Variants in EEA1 observed in about 807,000 individuals in gnomAD.
EEA1 encodes the protein early endosome antigen 1, 162kD.
A neutral mutation model predicts 209.2 loss-of-function variants in EEA1; 111 were observed. The ratio of observed to expected loss-of-function variants is 0.53; its 90% CI spans 0.45 to 0.62. The LOEUF is 0.62. Ranked by LOEUF, EEA1 falls within the 20% of genes least tolerant of loss-of-function variation. The pLI is 0.00. For synonymous variants in EEA1, 536 were observed against 540.6 expected, an observed-to-expected ratio of 0.99 and a Z score of 0.12; for missense variants, 1,343 against 1,530.8, an observed-to-expected ratio of 0.88 and a Z score of 2.05.
chr12:92,892,782 T>C (rs755474368), intron 1 of EEA1, among the ~76,000 whole-genome samples: 2 of 152,160 alleles, frequency 1.3e-5, no homozygotes, highest in African/African-American at 2.4e-5. Flanking sequence ...CATGCCACCA[T>C]GTGCAGCTAA....
chr12:92,921,949 T>A (rs2136788724), intron 1 of EEA1, among the ~76,000 whole-genome samples: 1 of 152,042 alleles, frequency 6.6e-6, no homozygotes, highest in African/African-American at 2.4e-5. Context: ...TTAATGCATT[T>A]AATATTTCAA....
intron 1 of EEA1, among the ~76,000 whole-genome samples, chr12:92,902,278 CAT>C (rs1034657988): frequency 6.6e-5 from 10 of 152,108 alleles, no homozygotes; most frequent in African/African-American, 1.9e-4. Flanking sequence ...AAAATGGAAA[CAT>C]AGAGTATCCA....
chr12:92,923,073 C>T (rs999583463), intron 1 of EEA1, among the ~76,000 whole-genome samples: 6 of 150,470 alleles, frequency 4.0e-5, no homozygotes, highest in Non-Finnish European at 8.9e-5. Flanking sequence ...TCTGGCCGGG[C>T]GCGGTGGCTC....
intron 2 of EEA1, among the ~76,000 whole-genome samples, chr12:92,877,275 C>T (rs1160656808): frequency 6.6e-6 from 1 of 151,820 alleles, no homozygotes; most frequent in Non-Finnish European, 1.5e-5. Context: ...CCATTCCTGG[C>T]CTAACCTGGG....
chr12:92,805,960 C>T (rs1330314675), intron 18 of EEA1, among the ~76,000 whole-genome samples: 1 of 152,096 alleles, frequency 6.6e-6, no homozygotes, highest in Non-Finnish European at 1.5e-5. Context: ...ATAATTTATT[C>T]CATCTGTGGC....
chr12:92,813,875 T>C (rs1875651982), intron 15 of EEA1, among the ~76,000 whole-genome samples: 1 of 152,090 alleles, frequency 6.6e-6, no homozygotes. Flanking sequence ...TAGCTGGGCA[T>C]GGTGGCATGC....
intron 2 of EEA1, among the ~76,000 whole-genome samples, chr12:92,877,100 T>C (rs1262673003): frequency 6.6e-6 from 1 of 151,120 alleles, no homozygotes; most frequent in African/African-American, 2.4e-5. Flanking sequence ...TGTGCTGTCA[T>C]GTCCAGCTAA....
intron 2 of EEA1, among the ~76,000 whole-genome samples, chr12:92,877,733 G>A (rs542025267): frequency 2.6e-5 from 4 of 152,116 alleles, no homozygotes; most frequent in East Asian, 1.9e-4. Context: ...GGCTGGTCTC[G>A]AACTCCTGAT....
chr12:92,798,919 T>C lies in EEA1; in HGVS notation c.2940A>G (p.Gly980=), dbSNP rs747115302. The change falls in exon 21 of 29, where the codon GGA becomes GGG. Residue 980 remains glycine (G), a synonymous_variant. Coordinates refer to ENST00000322349, the MANE Select transcript of EEA1 (RefSeq NM_003566.4). ...QKKKQIEALQ[G]ELKIAVLQKT... ...TCTGTAAAACAGCAATTTTAAGCTC[T>C]CCTTGGAGTGCTTCAATTTGTTTTT... 6.2e-7 allele frequency: 1 copy of C among 1,606,972 alleles called. No individual in the cohort carries two copies. Among genetic ancestry groups the C allele is most frequent in the South Asian group, 1.1e-5 (1 of 89,204 alleles).
At chr12:92,915,132 T>C (rs1488220732) in intron 1 of EEA1, among the ~76,000 whole-genome samples, 1 of 152,140 alleles carries the variant, frequency 6.6e-6, no homozygotes, top group Non-Finnish European at 1.5e-5. Flanking sequence ...CACATATTAT[T>C]ATTAAGTACA....
chr12:92,820,249 A>G (rs1875981094), intron 13 of EEA1, among the ~76,000 whole-genome samples: 1 of 152,132 alleles, frequency 6.6e-6, no homozygotes, highest in Non-Finnish European at 1.5e-5. Context: ...GGCTCACTTC[A>G]ATACCCCAAA....
At chr12:92,903,176 A>G (rs1880225968) in intron 1 of EEA1, among the ~76,000 whole-genome samples, 1 of 151,750 alleles carries the variant, frequency 6.6e-6, no homozygotes, top group South Asian at 2.1e-4. Flanking sequence ...TGACCTCGTG[A>G]TCCGCCCACC....
chr12:92,819,203 T>A, intron 14 of EEA1, 105 bp downstream of exon 14: 1 of 1,032,348 alleles, frequency 9.7e-7, no homozygotes, highest in African/African-American at 1.6e-5. Flanking sequence ...ACACTTAAAA[T>A]GTGCTAAAAA....
chr12:92,881,584 C>A lies in EEA1; in HGVS notation c.117+10045G>T, dbSNP rs537904663. Reference sequence around the variant, plus strand: ...GACTGCGTTATTAGACAGCAAGAGTCGACTGGACTAAATGCGTCTAAGAAG... The same window carrying A: ...GACTGCGTTATTAGACAGCAAGAGTAGACTGGACTAAATGCGTCTAAGAAG... On this transcript the variant is annotated intron_variant, in intron 2 of 28. Coordinates refer to ENST00000322349, the MANE Select transcript of EEA1 (RefSeq NM_003566.4). Among the ~76,000 whole-genome samples, 12 of 152,076 alleles carry A rather than the reference C, an allele frequency of 7.9e-5. No individual in the cohort carries two copies. In the East Asian group the frequency reaches 2.3e-3, roughly 29 times the overall value.
At chr12:92,899,734 G>A (rs531715583) in intron 1 of EEA1, among the ~76,000 whole-genome samples, 2 of 152,350 alleles carry the variant, frequency 1.3e-5, no homozygotes, top group South Asian at 4.1e-4. Flanking sequence ...AGAGGGTGCA[G>A]TGGGCCTCTA....
chr12:92,823,738 T>A (rs1876167626), intron 13 of EEA1, among the ~76,000 whole-genome samples: 1 of 152,204 alleles, frequency 6.6e-6, no homozygotes, highest in Non-Finnish European at 1.5e-5. Flanking sequence ...AAGTGCAGAA[T>A]AAGAAACAAA....
chr12:92,804,660 C>T (rs1039185820), intron 18 of EEA1, among the ~76,000 whole-genome samples: 7 of 150,232 alleles, frequency 4.7e-5, no homozygotes, highest in Non-Finnish European at 1.0e-4. Context: ...ATAACCTACA[C>T]ATTAAAGAAG....
intron 1 of EEA1, among the ~76,000 whole-genome samples, chr12:92,893,561 T>C (rs1879747627): frequency 6.6e-6 from 1 of 152,190 alleles, no homozygotes. Context: ...GAATTCATAA[T>C]GCTATATTCA....
At chr12:92,900,456 C>T (rs1306738278) in intron 1 of EEA1, among the ~76,000 whole-genome samples, 1 of 151,440 alleles carries the variant, frequency 6.6e-6, no homozygotes, top group Non-Finnish European at 1.5e-5. Flanking sequence ...ACATTTAATG[C>T]CCACAAAATT....
Sources: gnomAD v4.1 joint callset for allele counts (sites outside exome capture counted in the v4.1 genomes callset) on GRCh38, gnomAD v4.1.1 for gene constraint, MANE v1.5 for transcripts, NCBI Gene and HGNC (gene_info 2026-07-23, HGNC 2026-07-21) for gene names.